ATXN7: variants seen among roughly 807,000 people sequenced by gnomAD.
ATXN7 encodes the protein ataxin 7.
ATXN7 carries 12 observed loss-of-function variants against 70.5 expected under a neutral mutation model. The observed-to-expected ratio is 0.17, with a 90% CI of 0.11 to 0.28. ATXN7 has a LOEUF of 0.28. Among genes scored for constraint, ATXN7 ranks in the 10% least tolerant of loss-of-function variants. The pLI is 1.00. For missense variants in ATXN7, 1,256 were observed against 1,131.7 expected, an observed-to-expected ratio of 1.11 and a Z score of -1.58; for synonymous variants, 498 against 448.7, an observed-to-expected ratio of 1.11 and a Z score of -1.39.
intron 11 of ATXN7, among the ~76,000 whole-genome samples, chr3:63,992,958 C>T (rs1311005749): frequency 1.3e-5 from 2 of 152,182 alleles, no homozygotes; most frequent in African/African-American, 4.8e-5. Context: ...CTTTGAAGCC[C>T]TCAAGGAAAC....
intron 4 of ATXN7, among the ~76,000 whole-genome samples, chr3:63,919,555 A>G (rs1192988192): frequency 6.6e-6 from 1 of 152,190 alleles, no homozygotes; most frequent in African/African-American, 2.4e-5. Context: ...AAATGGTTTC[A>G]CATAAGAAGG....
rs1344390718 is a variant in ATXN7 at position 63,990,232 on chromosome 3, T to A, written c.1418T>A (p.Val473Asp). 1 of 1,613,782 alleles carries A rather than the reference T, an allele frequency of 6.2e-7. No homozygotes were observed. Among genetic ancestry groups the A allele is most frequent in the Non-Finnish European group, 8.5e-7 (1 of 1,179,956 alleles). The stretch of plus-strand genomic sequence containing the variant: ...AGTGCCCCCATTGACCCTCCTCCAG[T>A]CCATGAATCTCCACACCCTCCCCTG... Reference protein sequence around the residue: ...GGSAPIDPPPVHESPHPPLPA... With the variant: ...GGSAPIDPPPDHESPHPPLPA... Residue 473 changes from valine (V) to aspartate (D), a missense_variant, in exon 10 of 13, where the codon GTC (valine) becomes GAC (aspartate). Val to Asp is a radical substitution (Grantham distance 152). Coordinates refer to ENST00000674280, the MANE Select transcript of ATXN7 (RefSeq NM_001377405.1).
intron 2 of ATXN7, chr3:63,901,080 G>A (rs1321075625): frequency 1.3e-5 from 2 of 152,172 alleles, no homozygotes; most frequent in Non-Finnish European, 2.9e-5. Context: ...TTAGTAAATC[G>A]AAAGGACAAA....
At chr3:63,886,267 A>T (rs1207893730) in intron 1 of ATXN7, among the ~76,000 whole-genome samples, 1 of 152,114 alleles carries the variant, frequency 6.6e-6, no homozygotes, top group African/African-American at 2.4e-5. Context: ...GTGGTGAGGG[A>T]AATGGGGAGA....
chr3:63,866,485 G>A (rs1229712825), intron 1 of ATXN7, among the ~76,000 whole-genome samples: 4 of 152,182 alleles, frequency 2.6e-5, no homozygotes. Context: ...CAAACTGCTG[G>A]GCTCAAGCGA....
intron 5 of ATXN7, among the ~76,000 whole-genome samples, chr3:63,977,438 G>A (rs2075406171): frequency 6.6e-6 from 1 of 152,168 alleles, no homozygotes; most frequent in South Asian, 2.1e-4. Flanking sequence ...CAGAGTTCTA[G>A]TTGAGGGTTT....
At chr3:63,978,217 A>C (rs1433134282) in intron 5 of ATXN7, among the ~76,000 whole-genome samples, 1 of 152,234 alleles carries the variant, frequency 6.6e-6, no homozygotes, top group African/African-American at 2.4e-5. Context: ...CCTATGCATC[A>C]GTGTTTTTAA....
intron 4 of ATXN7, among the ~76,000 whole-genome samples, chr3:63,914,297 T>C (rs1356690949): frequency 1.3e-5 from 2 of 152,220 alleles, no homozygotes; most frequent in African/African-American, 2.4e-5. Flanking sequence ...TAACTCTGTT[T>C]CGGTTTTTTT....
At chr3:63,938,980 T>G (rs2074709809) in intron 4 of ATXN7, among the ~76,000 whole-genome samples, 1 of 151,682 alleles carries the variant, frequency 6.6e-6, no homozygotes, top group Non-Finnish European at 1.5e-5. Flanking sequence ...TATGTGTGCC[T>G]TGCCTTTTAA....
At position 63,955,716 on chromosome 3, in the gene ATXN7, G is replaced by A. The variant is rs575185515; in HGVS notation, c.499+3233G>A. 5.3e-5 allele frequency among the ~76,000 whole-genome samples: 8 copies of A among 152,252 alleles called. No homozygotes were observed. In the East Asian group the frequency reaches 1.2e-3, roughly 22 times the overall value. ...ACAGTGACTGTTGTAGTCTATTTAC[G>A]TGCCAAAAGAGGGATGGTATTTTCT... is the stretch of plus-strand genomic sequence containing the variant. On this transcript the variant is annotated intron_variant, in intron 5 of 12. Transcript: ENST00000674280.
At chr3:63,911,375 C>T (rs1170014405) in intron 2 of ATXN7, 1 of 152,088 alleles carries the variant, frequency 6.6e-6, no homozygotes, top group Non-Finnish European at 1.5e-5. Context: ...CGGGCCAATG[C>T]TTAATTTAGT....
chr3:63,881,568 G>T (rs527496223), intron 1 of ATXN7, among the ~76,000 whole-genome samples: 3 of 149,196 alleles, frequency 2.0e-5, no homozygotes, highest in African/African-American at 7.4e-5. Context: ...AGCTCACTGC[G>T]ACCTCTGCCT....
At chr3:63,871,932 C>T (rs188828345) in intron 1 of ATXN7, among the ~76,000 whole-genome samples, 1 of 150,022 alleles carries the variant, frequency 6.7e-6, no homozygotes, top group African/African-American at 2.4e-5. Context: ...TTTCCTTAGC[C>T]AGTTACCTTC....
chr3:63,900,578 C>A (rs768967298), intron 2 of ATXN7: 3 of 152,276 alleles, frequency 2.0e-5, no homozygotes, highest in Non-Finnish European at 4.4e-5. Context: ...AAGAGAGAAA[C>A]AGGCTTTCCT....
chr3:63,978,963 A>G (rs2075437249), intron 5 of ATXN7, among the ~76,000 whole-genome samples: 1 of 152,254 alleles, frequency 6.6e-6, no homozygotes, highest in African/African-American at 2.4e-5. Context: ...GTTGGATCAC[A>G]TGCATTTTAA....
At chr3:63,974,163 G>A (rs187537147) in intron 5 of ATXN7, among the ~76,000 whole-genome samples, 44 of 152,180 alleles carry the variant, frequency 2.9e-4, no homozygotes, top group Non-Finnish European at 5.9e-4. Context: ...CTCCAAGCAG[G>A]GAATTGCTAC....
intron 1 of ATXN7, among the ~76,000 whole-genome samples, chr3:63,880,337 T>C (rs955610634): frequency 2.0e-5 from 3 of 152,158 alleles, no homozygotes; most frequent in Non-Finnish European, 4.4e-5. Flanking sequence ...GTCACAAATA[T>C]TTATCAAAAG....
intron 11 of ATXN7, 149 bp downstream of exon 11, chr3:63,991,008 AT>A: frequency 1.6e-5 from 19 of 1,152,308 alleles, no homozygotes; most frequent in Non-Finnish European, 2.3e-5. Context: ...TCATTCATTC[AT>A]TCATTTACCC....
intron 1 of ATXN7, among the ~76,000 whole-genome samples, chr3:63,888,193 A>G (rs1703145340): frequency 1.3e-5 from 2 of 152,190 alleles, no homozygotes; most frequent in Admixed American, 6.5e-5. Context: ...TAATAATATG[A>G]ATTGAATAGA....
Sources: gnomAD v4.1 joint callset for allele counts (sites outside exome capture counted in the v4.1 genomes callset) on GRCh38, gnomAD v4.1.1 for gene constraint, MANE v1.5 for transcripts, NCBI Gene and HGNC (gene_info 2026-07-23, HGNC 2026-07-21) for gene names.